The following NPAS3 variants were observed in gnomAD, a reference collection of about 807,000 sequenced individuals.
NPAS3 encodes neuronal PAS domain protein 3, also known as neuronal PAS domain-containing protein 3.
A neutral mutation model predicts 73.1 loss-of-function variants in NPAS3; 14 were observed. The observed-to-expected ratio is 0.19, with a 90% CI of 0.13 to 0.30. The LOEUF is 0.30. NPAS3 is among the 10% of genes least tolerant of loss of function. NPAS3 has a pLI of 1.00. For synonymous variants in NPAS3, 620 were observed against 541.5 expected (o/e 1.14, Z -2.01); for missense variants, 1,096 against 1,250.0 (o/e 0.88, Z 1.86).
At chr14:33,788,294 GGT>G (rs767799380) in intron 9 of NPAS3, among the ~76,000 whole-genome samples, 2 of 152,148 alleles carry the variant, frequency 1.3e-5, no homozygotes, top group Non-Finnish European at 2.9e-5. Flanking sequence ...TCCAGGAGGG[GGT>G]GAATGGCGCC....
intron 2 of NPAS3, among the ~76,000 whole-genome samples, chr14:33,193,698 A>G (rs1053960608): frequency 1.3e-5 from 2 of 152,202 alleles, no homozygotes; most frequent in African/African-American, 4.8e-5. Context: ...TGGCACAAAT[A>G]GGGTTCTCAA....
chr14:33,517,952 C>A (rs2053380191), intron 4 of NPAS3, among the ~76,000 whole-genome samples: 1 of 152,082 alleles, frequency 6.6e-6, no homozygotes, highest in South Asian at 2.1e-4. Flanking sequence ...CCTCCCTGAA[C>A]CAATATAGGT....
chr14:33,006,539 A>G (rs567750500), intron 1 of NPAS3, among the ~76,000 whole-genome samples: 2 of 152,292 alleles, frequency 1.3e-5, no homozygotes, highest in East Asian at 1.9e-4. Flanking sequence ...TGGTCTTCTA[A>G]GAGACTAAGC....
intron 2 of NPAS3, among the ~76,000 whole-genome samples, chr14:33,161,252 G>A (rs1270789958): frequency 2.0e-5 from 3 of 152,166 alleles, no homozygotes; most frequent in Non-Finnish European, 4.4e-5. Context: ...GAGATAAGGA[G>A]CATATTTATT....
intron 6 of NPAS3, among the ~76,000 whole-genome samples, chr14:33,697,399 C>G (rs1335008507): frequency 6.6e-6 from 1 of 152,172 alleles, no homozygotes; most frequent in Non-Finnish European, 1.5e-5. Flanking sequence ...ACAAGTTAAG[C>G]TGAACCGGTT....
At position 33,368,638 on chromosome 14, in the gene NPAS3, A is replaced by T. The variant is rs1256855331; in HGVS notation, c.468+1370A>T. ...CCATTAATATCTGTTAATATCTCAT[A>T]GAACTGATGTTTCTTGAAATACACC... is the stretch of plus-strand genomic sequence containing the variant. On this transcript the variant is annotated intron_variant, in intron 4 of 11. Coordinates refer to ENST00000356141, the Ensembl canonical transcript of NPAS3. Among the ~76,000 whole-genome samples the T allele has an allele frequency of 3.9e-5, 6 of 152,334 alleles. No homozygotes were observed. In the South Asian group the frequency reaches 8.3e-4, roughly 21 times the overall value.
chr14:33,657,796 A>G (rs2059189533), intron 5 of NPAS3, among the ~76,000 whole-genome samples: 1 of 152,216 alleles, frequency 6.6e-6, no homozygotes, highest in African/African-American at 2.4e-5. Context: ...ATGTAAAAAA[A>G]AAAAAGATAA....
intron 1 of NPAS3, among the ~76,000 whole-genome samples, chr14:33,023,871 G>A (rs1320826981): frequency 1.3e-5 from 2 of 151,990 alleles, no homozygotes; most frequent in Admixed American, 6.6e-5. Context: ...TCTCACATAG[G>A]CATACATTTA....
intron 10 of NPAS3, among the ~76,000 whole-genome samples, chr14:33,794,672 G>A (rs950042091): frequency 6.8e-6 from 1 of 146,322 alleles, no homozygotes; most frequent in African/African-American, 2.5e-5. Flanking sequence ...CTCTTAAAAT[G>A]TGTCCTTAAC....
In NPAS3 at chr14:33,254,467, C is replaced by T. The variant is rs562520374; in HGVS notation, c.385+39041C>T. ...TGGATTAGGGGGTCCTTCCTTTGTA[C>T]TCTCCTATCAGCCTGTGTACATTTT... On this transcript the variant is annotated intron_variant, in intron 3 of 11. Transcript: ENST00000356141. Among the ~76,000 whole-genome samples, 3 of 152,220 alleles carry T rather than the reference C, an allele frequency of 2.0e-5. No individual in the cohort carries two copies. In the South Asian group the frequency reaches 6.2e-4, roughly 32 times the overall value.
In NPAS3 at chr14:33,175,066, G is replaced by T. The variant is rs534294896; in HGVS notation, c.141-40116G>T. ...ATTGTAGATATGTCCTAAGAATACT[G>T]TATTTTTTTTCTCTGATACTTACGC... On this transcript the variant is annotated intron_variant, in intron 2 of 11. Transcript: ENST00000356141. Among the ~76,000 whole-genome samples the T allele has an allele frequency of 8.5e-5, 13 of 152,230 alleles. No homozygotes were observed. In the South Asian group the frequency reaches 2.3e-3, roughly 27 times the overall value.
chr14:33,136,424 C>G (rs1285235248), intron 2 of NPAS3, among the ~76,000 whole-genome samples: 1 of 152,098 alleles, frequency 6.6e-6, no homozygotes, highest in African/African-American at 2.4e-5. Flanking sequence ...ACAACCATGT[C>G]CATGATAACC....
intron 2 of NPAS3, among the ~76,000 whole-genome samples, chr14:33,089,301 T>G (rs1164801352): frequency 6.6e-6 from 1 of 152,186 alleles, no homozygotes; most frequent in African/African-American, 2.4e-5. Context: ...GAGAAGTCCT[T>G]AAGTGACCTG....
chr14:33,337,131 GTCATA>G (rs1432808185), intron 3 of NPAS3, among the ~76,000 whole-genome samples: 2 of 152,088 alleles, frequency 1.3e-5, no homozygotes, highest in East Asian at 3.9e-4. Flanking sequence ...TACTTCAGGT[GTCATA>G]TCAGAGAAAT....
intron 2 of NPAS3, among the ~76,000 whole-genome samples, chr14:33,185,459 G>A (rs952334069): frequency 6.6e-6 from 1 of 152,098 alleles, no homozygotes; most frequent in Admixed American, 6.5e-5. Flanking sequence ...ATGAGAAACC[G>A]AATCATGCTT....
chr14:33,218,913 T>G (rs1455089397), intron 3 of NPAS3, among the ~76,000 whole-genome samples: 1 of 152,192 alleles, frequency 6.6e-6, no homozygotes, highest in African/African-American at 2.4e-5. Flanking sequence ...TATTACAAGT[T>G]ATGCTTGCAG....
At chr14:33,560,310 C>A in intron 5 of NPAS3, 100 bp downstream of exon 5, 1 of 624,510 alleles carries the variant, frequency 1.6e-6, no homozygotes, top group South Asian at 2.3e-5. Context: ...CATGAATTAT[C>A]AAATGTATTA....
intron 7 of NPAS3, among the ~76,000 whole-genome samples, chr14:33,758,722 C>A (rs961181373): frequency 1.3e-5 from 2 of 152,250 alleles, no homozygotes; most frequent in South Asian, 4.1e-4. Context: ...ACTTTAACAT[C>A]CAAGGTTTTT....
chr14:33,595,733 C>T (rs1278806578), intron 5 of NPAS3, among the ~76,000 whole-genome samples: 3 of 152,058 alleles, frequency 2.0e-5, no homozygotes, highest in African/African-American at 7.2e-5. Context: ...TGCAGTGGCG[C>T]GTTCTCGGCT....
Sources: allele counts gnomAD v4.1 joint callset (sites outside exome capture counted in the v4.1 genomes callset), GRCh38; gene constraint gnomAD v4.1.1; transcripts MANE v1.5; gene names NCBI Gene and HGNC (gene_info 2026-07-23, HGNC 2026-07-21).